Variants in COL18A1 observed in about 807,000 individuals in gnomAD.
The protein encoded by COL18A1 is collagen alpha-1(XVIII) chain.
In COL18A1, 133 loss-of-function variants were observed where a neutral mutation model predicts 168.0. The observed-to-expected ratio is 0.79, with a 90% CI of 0.69 to 0.91. COL18A1 has a LOEUF of 0.91. COL18A1 is among the 40% of genes least tolerant of loss of function. The probability of loss-of-function intolerance (pLI) is 0.00; values close to 1 mark genes in which losing one functional copy is unlikely to be tolerated. For synonymous variants in COL18A1, 949 were observed against 809.0 expected, an observed-to-expected ratio of 1.17 and a Z score of -2.94; for missense variants, 2,126 against 1,925.4, an observed-to-expected ratio of 1.10 and a Z score of -1.95.
chr21:45,484,257 GCA>G (rs377063758), intron 15 of COL18A1, among the ~76,000 whole-genome samples: 6 of 140,044 alleles, frequency 4.3e-5, no homozygotes, highest in Admixed American at 7.1e-5. Flanking sequence ...CAGCATATGT[GCA>G]CACACACACA....
chr21:45,511,169 A>C lies in COL18A1; in HGVS notation c.3752A>C (p.Lys1251Thr). The C allele has an allele frequency of 6.2e-7, 1 of 1,601,976 alleles. No homozygotes were observed. The highest frequency in any genetic ancestry group is 8.5e-7 in the Non-Finnish European group (1 of 1,174,412). ...ALFSGSEGPL[K>T]PGARIFSFDG... ...TTCTCAGGCTCTGAGGGTCCGCTGAAGCCCGGGGCACGCATCTTCTCCTTT... is the reference window on the plus strand; with the variant it reads ...TTCTCAGGCTCTGAGGGTCCGCTGACGCCCGGGGCACGCATCTTCTCCTTT... Residue 1251 changes from lysine (K) to threonine (T), a missense_variant, in exon 41 of 42, where the codon AAG (lysine) becomes ACG (threonine). Lys to Thr is a moderately conservative substitution (Grantham distance 78). Coordinates refer to ENST00000651438, the MANE Select transcript of COL18A1 (RefSeq NM_001379500.1).
At position 45,425,758 on chromosome 21, in the gene COL18A1, G is replaced by A. The variant is rs2033779671; in HGVS notation, c.106+20285G>A. Among the ~76,000 whole-genome samples the A allele has an allele frequency of 6.6e-6, 1 of 152,174 alleles. No homozygotes were observed. The highest frequency in any genetic ancestry group is 2.4e-5 in the African/African-American group (1 of 41,444). ...GGTGACCCCCATCCTCCCCAGGGTG[G>A]TCTGGCAGGGGACACTGTTTTCCAA... On this transcript the variant is annotated intron_variant, in intron 2 of 41. Coordinates refer to ENST00000651438, the MANE Select transcript of COL18A1 (RefSeq NM_001379500.1). This position sits in a 1 kb window ranked among gnomAD's most constrained non-coding sequence, Gnocchi z 4.1.
intron 2 of COL18A1, chr21:45,407,535 ATC>A (rs1569271497): frequency 6.6e-6 from 1 of 152,214 alleles, no homozygotes; most frequent in East Asian, 1.9e-4. Flanking sequence ...CTTACCTGCA[ATC>A]TCTCCTCTGG....
rs2034885398 is a variant in COL18A1 at position 45,457,623 on chromosome 21, G to A, written c.107-10619G>A. Among the ~76,000 whole-genome samples the A allele has an allele frequency of 1.3e-5, 2 of 152,200 alleles. No individual in the cohort carries two copies. The highest frequency in any genetic ancestry group is 6.5e-5 in the Admixed American group (1 of 15,276). ...GGGCAGCCCAGAAAGGACCCCAGCA[G>A]ATCCCTCCTCTGTGTCCGGGAGTAG... is the stretch of plus-strand genomic sequence containing the variant. On this transcript the variant is annotated intron_variant, in intron 2 of 41. Coordinates refer to ENST00000651438, the MANE Select transcript of COL18A1 (RefSeq NM_001379500.1). The surrounding 1 kb of genome is among the most constrained non-coding windows in gnomAD (Gnocchi z 4.6).
intron 38 of COL18A1, 77 bp downstream of exon 38, chr21:45,507,670 A>C: frequency 7.2e-7 from 1 of 1,383,670 alleles, no homozygotes; most frequent in Non-Finnish European, 1.0e-6. Context: ...TGTTTGAGGA[A>C]CAACACGTGG....
chr21:45,450,580 A>G (rs562857091), intron 2 of COL18A1, among the ~76,000 whole-genome samples: 1 of 152,200 alleles, frequency 6.6e-6, no homozygotes, highest in Non-Finnish European at 1.5e-5. Context: ...AAAAGACCAC[A>G]CTATTTAGGA....
chr21:45,465,879 C>T (rs910568079), intron 2 of COL18A1, among the ~76,000 whole-genome samples: 1 of 152,108 alleles, frequency 6.6e-6, no homozygotes, highest in African/African-American at 2.4e-5. Flanking sequence ...CCACGGTGGC[C>T]GTGAGGGATG....
chr21:45,476,985 C>T (rs1334278009), intron 6 of COL18A1, among the ~76,000 whole-genome samples: 2 of 151,434 alleles, frequency 1.3e-5, no homozygotes, highest in Non-Finnish European at 2.9e-5. Flanking sequence ...CGGATGGTGG[C>T]TCTGGGTACA....
At chr21:45,494,510 GC>G in intron 26 of COL18A1, 34 bp from the exon 27 acceptor site, 2 of 1,613,250 alleles carry the variant, frequency 1.2e-6, no homozygotes. Flanking sequence ...GGCACAAGCT[GC>G]CACCTAACCC....
rs1198640110 is a variant in COL18A1 at position 45,495,342 on chromosome 21, CT to C, written c.2434-15del. ...ATCAGTGCCCAGCAGTCCCCACCCC[CT>C]GTGCTCCGCCCCAGGGTCGCCCCGG... is the stretch of plus-strand genomic sequence containing the variant. On this transcript the variant is annotated splice_polypyrimidine_tract_variant and intron_variant, in intron 28 of 41. Transcript: ENST00000651438. The C allele has an allele frequency of 6.3e-7, 1 of 1,599,996 alleles. No homozygotes were observed. Among genetic ancestry groups the C allele is most frequent in the Non-Finnish European group, 8.5e-7 (1 of 1,172,746 alleles).
chr21:45,416,888 G>C (rs113149091), intron 2 of COL18A1, among the ~76,000 whole-genome samples: 1 of 152,040 alleles, frequency 6.6e-6, no homozygotes, highest in South Asian at 2.1e-4. Flanking sequence ...GCATTTCCTC[G>C]TCTGAATTGC....
intron 2 of COL18A1, among the ~76,000 whole-genome samples, chr21:45,441,433 A>G (rs78123140): frequency 2.1e-3 from 315 of 152,256 alleles, no homozygotes; most frequent in African/African-American, 7.0e-3. Context: ...TGCCCATCCC[A>G]GGTGCCCCAC....
At chr21:45,482,876 C>T (rs1274880079) in intron 15 of COL18A1, 55 bp downstream of exon 15, 2 of 1,613,564 alleles carry the variant, frequency 1.2e-6, no homozygotes, top group African/African-American at 1.3e-5. Context: ...CCACTCAGTG[C>T]TCGGACCCCC....
At chr21:45,434,845 G>C (rs1228995159) in intron 2 of COL18A1, among the ~76,000 whole-genome samples, 1 of 152,228 alleles carries the variant, frequency 6.6e-6, no homozygotes, top group Admixed American at 6.5e-5. Context: ...TTTGGGCTGT[G>C]CTGGGGTCTC....
At position 45,503,432 on chromosome 21, in the gene COL18A1, T is replaced by C. The variant is rs113349805; in HGVS notation, c.2684-579T>C. Among the ~76,000 whole-genome samples the C allele has an allele frequency of 1.8e-3, 276 of 152,218 alleles. 2 individuals carry two copies. Among genetic ancestry groups the C allele is most frequent in the African/African-American group, 6.2e-3 (259 of 41,520 alleles). ...TTGATGGGGTTGTTTGTGGCACATA[T>C]ACACCATGGAATACTACGCAGCCAT... On this transcript the variant is annotated intron_variant, in intron 32 of 41. Transcript: ENST00000651438.
intron 6 of COL18A1, among the ~76,000 whole-genome samples, chr21:45,476,982 T>G (rs1452925883): frequency 1.3e-5 from 2 of 151,772 alleles, no homozygotes; most frequent in African/African-American, 4.8e-5. Flanking sequence ...GCCCGGATGG[T>G]GGCTCTGGGT....
chr21:45,493,000 G>A (rs1032348248), intron 24 of COL18A1, among the ~76,000 whole-genome samples, 163 bp from the exon 25 acceptor site: 1 of 151,800 alleles, frequency 6.6e-6, no homozygotes, highest in Admixed American at 6.6e-5. Context: ...GGTCACCTGC[G>A]GAGGCCTGCA....
chr21:45,437,303 C>G (rs1298275886), intron 2 of COL18A1, among the ~76,000 whole-genome samples: 8 of 122,640 alleles, frequency 6.5e-5, no homozygotes, highest in Middle Eastern at 5.3e-3. Context: ...CACACACACT[C>G]ACACAGGCAC....
At chr21:45,428,062 G>A (rs934535525) in intron 2 of COL18A1, among the ~76,000 whole-genome samples, 1 of 152,336 alleles carries the variant, frequency 6.6e-6, no homozygotes, top group South Asian at 2.1e-4. Context: ...AGGCCCGTCG[G>A]CACCACCTCC....
Sources: gnomAD v4.1 joint callset for allele counts (sites outside exome capture counted in the v4.1 genomes callset) on GRCh38, gnomAD v4.1.1 for gene constraint, Gnocchi (gnomAD v3.1) non-coding constraint, MANE v1.5 for transcripts, NCBI Gene and HGNC (gene_info 2026-07-23, HGNC 2026-07-21) for gene names.